The following CACNA2D1 variants were observed in gnomAD, a reference collection of about 807,000 sequenced individuals.
CACNA2D1 encodes calcium voltage-gated channel auxiliary subunit alpha2delta 1.
Under a neutral mutation model 171.5 loss-of-function variants are expected in CACNA2D1, and 53 were observed. The ratio of observed to expected loss-of-function variants is 0.31; its 90% confidence interval spans 0.25 to 0.39. CACNA2D1 has a LOEUF of 0.39. Among genes scored for constraint, CACNA2D1 ranks in the 10% least tolerant of loss-of-function variants. The probability of loss-of-function intolerance (pLI) is 1.00; values close to 1 mark genes in which losing one functional copy is unlikely to be tolerated. For missense variants in CACNA2D1, 903 were observed against 1,299.8 expected (o/e 0.69, Z 4.69); for synonymous variants, 442 against 443.1 (o/e 1.00, Z 0.03).
chr7:82,216,834 C>CA (rs1328131127), intron 3 of CACNA2D1, among the ~76,000 whole-genome samples: 1 of 124,260 alleles, frequency 8.0e-6, no homozygotes, highest in African/African-American at 3.0e-5. Flanking sequence ...ATATATCTGT[C>CA]AAAAAAATAG....
chr7:82,430,201 G>A (rs974976098), intron 1 of CACNA2D1, among the ~76,000 whole-genome samples: 23 of 152,036 alleles, frequency 1.5e-4, no homozygotes, highest in African/African-American at 5.1e-4. Context: ...CAGATCACCT[G>A]AGGTCAGGAG....
At chr7:82,084,698 G>C (rs536480476) in intron 7 of CACNA2D1, 71 bp downstream of exon 7, 200 of 1,508,962 alleles carry the variant, frequency 1.3e-4, no homozygotes, top group Non-Finnish European at 1.7e-4. Context: ...CAGTATCAGG[G>C]AAGATAACAG....
At chr7:82,434,371 A>C (rs1277129995) in intron 1 of CACNA2D1, among the ~76,000 whole-genome samples, 1 of 152,114 alleles carries the variant, frequency 6.6e-6, no homozygotes, top group Non-Finnish European at 1.5e-5. Flanking sequence ...TGAGGGGTAA[A>C]AGTGGAGGTA....
intron 3 of CACNA2D1, among the ~76,000 whole-genome samples, chr7:82,193,474 T>G (rs1174491363): frequency 6.6e-6 from 1 of 152,010 alleles, no homozygotes; most frequent in Non-Finnish European, 1.5e-5. Flanking sequence ...GAAATATATT[T>G]AAGTCTAAAA....
intron 6 of CACNA2D1, among the ~76,000 whole-genome samples, chr7:82,116,648 CA>C (rs772398888): frequency 1.3e-5 from 2 of 152,274 alleles, no homozygotes; most frequent in Non-Finnish European, 2.9e-5. Context: ...GAATCTGAAA[CA>C]TACAATTTTC....
chr7:82,031,469 T>G (rs1802689765), intron 12 of CACNA2D1, among the ~76,000 whole-genome samples: 1 of 151,944 alleles, frequency 6.6e-6, no homozygotes, highest in African/African-American at 2.4e-5. Context: ...TTTATCAACT[T>G]TTCAAAAGTG....
At chr7:82,119,841 T>G (rs1332145852) in intron 5 of CACNA2D1, among the ~76,000 whole-genome samples, 1 of 152,184 alleles carries the variant, frequency 6.6e-6, no homozygotes, top group Non-Finnish European at 1.5e-5. Flanking sequence ...AAACTCTCTA[T>G]GGAAGTATCA....
intron 3 of CACNA2D1, among the ~76,000 whole-genome samples, chr7:82,314,703 T>G (rs779442518): frequency 2.0e-5 from 3 of 152,164 alleles, no homozygotes; most frequent in Non-Finnish European, 4.4e-5. Flanking sequence ...TAATTGTGAT[T>G]TTCAACAGCA....
At chr7:82,417,904 A>C (rs1054780963) in intron 1 of CACNA2D1, among the ~76,000 whole-genome samples, 13 of 152,338 alleles carry the variant, frequency 8.5e-5, no homozygotes, top group African/African-American at 3.1e-4. Context: ...ATGACATACA[A>C]AAAAAGTATT....
chr7:82,211,094 A>G (rs75056863), intron 3 of CACNA2D1, among the ~76,000 whole-genome samples: 2,363 of 152,234 alleles, frequency 0.016, 66 homozygotes, highest in African/African-American at 0.05. Flanking sequence ...TCTGCACAGT[A>G]TCTCTTCTTT....
At chr7:82,292,130 T>C (rs1424069057) in intron 3 of CACNA2D1, among the ~76,000 whole-genome samples, 3 of 152,170 alleles carry the variant, frequency 2.0e-5, no homozygotes, top group Non-Finnish European at 4.4e-5. Context: ...AGCTAAGCAA[T>C]GTAGTGTGCT....
At chr7:82,098,074 G>A (rs1431695532) in intron 6 of CACNA2D1, among the ~76,000 whole-genome samples, 1 of 152,074 alleles carries the variant, frequency 6.6e-6, no homozygotes, top group Non-Finnish European at 1.5e-5. Context: ...AGGTTGCAAT[G>A]AGCCGAGATT....
chr7:82,373,911 A>T (rs1822712709), intron 1 of CACNA2D1, among the ~76,000 whole-genome samples: 1 of 152,246 alleles, frequency 6.6e-6, no homozygotes, highest in South Asian at 2.1e-4. Flanking sequence ...GTACGAAAAA[A>T]GTAAATCATA....
chr7:82,235,416 C>T (rs1286174077), intron 3 of CACNA2D1, among the ~76,000 whole-genome samples: 2 of 152,074 alleles, frequency 1.3e-5, no homozygotes, highest in Non-Finnish European at 2.9e-5. Context: ...ATGAACTTTC[C>T]CTGATGGGAG....
chr7:82,167,938 T>C (rs185414577), intron 4 of CACNA2D1, among the ~76,000 whole-genome samples: 1 of 152,244 alleles, frequency 6.6e-6, no homozygotes, highest in Non-Finnish European at 1.5e-5. Context: ...TATTTCACCA[T>C]AGAAGATTTA....
intron 24 of CACNA2D1, among the ~76,000 whole-genome samples, chr7:81,978,245 C>G (rs1796057734): frequency 6.6e-6 from 1 of 151,944 alleles, no homozygotes; most frequent in Admixed American, 6.6e-5. Context: ...GGGTATATAC[C>G]CAAAGGATTA....
chr7:82,334,943 A>G (rs1817808417), intron 3 of CACNA2D1, among the ~76,000 whole-genome samples, 192 bp downstream of exon 3: 1 of 152,024 alleles, frequency 6.6e-6, no homozygotes, highest in Non-Finnish European at 1.5e-5. Context: ...TAATAGTAAT[A>G]TAAAATAAAC....
chr7:82,135,835 G>A (rs117971701), intron 5 of CACNA2D1, among the ~76,000 whole-genome samples: 1,857 of 152,196 alleles, frequency 0.012, 17 homozygotes, highest in Non-Finnish European at 0.021. Context: ...TGTTTGCTAT[G>A]TTTACTGAAA....
chr7:82,323,406 C>T (rs963763970), intron 3 of CACNA2D1, among the ~76,000 whole-genome samples: 1 of 152,052 alleles, frequency 6.6e-6, no homozygotes, highest in Non-Finnish European at 1.5e-5. Flanking sequence ...ATAGAAAGAA[C>T]ACTGTACAAG....
Sources: allele counts gnomAD v4.1 joint callset (sites outside exome capture counted in the v4.1 genomes callset), GRCh38; gene constraint gnomAD v4.1.1; transcripts MANE v1.5; gene names NCBI Gene and HGNC (gene_info 2026-07-23, HGNC 2026-07-21).